IL19: variants seen among roughly 807,000 people sequenced by gnomAD.
IL19 encodes interleukin-19.
IL19 carries 15 observed loss-of-function variants against 19.5 expected under a neutral mutation model. That is an observed-to-expected ratio of 0.77 (90% CI 0.52 to 1.19). The LOEUF (loss-of-function observed/expected upper bound fraction) is 1.19, where lower values mean the gene tolerates loss of function less well. Ranked by LOEUF, IL19 falls within the 50% of genes most tolerant of loss-of-function variation. The pLI is 0.00. For missense variants in IL19, 199 were observed against 213.1 expected, an observed-to-expected ratio of 0.93 and a Z score of 0.41; for synonymous variants, 78 against 78.3, an observed-to-expected ratio of 1.00 and a Z score of 0.02.
chr1:206,795,933 G>A (rs993507744), intron 1 of IL19, among the ~76,000 whole-genome samples: 4 of 126,076 alleles, frequency 3.2e-5, no homozygotes, highest in Non-Finnish European at 5.6e-5. Flanking sequence ...ATATATGTGT[G>A]TGTGTGTGTG....
intron 3 of IL19, 38 bp from the exon 4 acceptor site, chr1:206,836,920 C>G (rs777477923): frequency 6.2e-7 from 1 of 1,601,786 alleles, no homozygotes; most frequent in South Asian, 1.1e-5. Flanking sequence ...ACATAGGATA[C>G]CGATTGCTTA....
intron 2 of IL19, among the ~76,000 whole-genome samples, chr1:206,808,068 T>G (rs1383150505): frequency 2.0e-5 from 3 of 152,258 alleles, no homozygotes; most frequent in African/African-American, 7.2e-5. Flanking sequence ...TGGCAGCTCA[T>G]GCCTGTAATC....
At chr1:206,798,549 T>A (rs1299820396) in intron 1 of IL19, among the ~76,000 whole-genome samples, 1 of 152,062 alleles carries the variant, frequency 6.6e-6, no homozygotes, top group Non-Finnish European at 1.5e-5. Flanking sequence ...ATACACATTT[T>A]TTTTTCTTAA....
intron 2 of IL19, among the ~76,000 whole-genome samples, chr1:206,810,677 A>G (rs991448814): frequency 6.6e-5 from 10 of 152,186 alleles, no homozygotes; most frequent in Middle Eastern, 3.2e-3. Flanking sequence ...TAATTTAACC[A>G]TTAGAGACAA....
Position 206,798,911 on chromosome 1 carries a change from C to G in IL19, c.-98C>G. On this transcript the variant is annotated 5_prime_UTR_variant, in exon 2 of 7. Transcript: ENST00000659997. ...AGTCCAAGAATGTGCACTGAGGGAGCGTTTCCGCACAGATCTGCGTGTTCC... is the reference window on the plus strand; with the variant it reads ...AGTCCAAGAATGTGCACTGAGGGAGGGTTTCCGCACAGATCTGCGTGTTCC... The G allele has an allele frequency of 1.2e-6, 2 of 1,612,412 alleles. No homozygotes were observed. Among genetic ancestry groups the G allele is most frequent in the South Asian group, 2.2e-5 (2 of 90,878 alleles).
At chr1:206,809,954 G>GATAACAACCTTATAA (rs1280515276) in intron 2 of IL19, among the ~76,000 whole-genome samples, 30 of 152,174 alleles carry the variant, frequency 2.0e-4, no homozygotes, top group African/African-American at 6.8e-4. Flanking sequence ...TTCACTTGGG[G>GATAACAACCTTATAA]CAGTTTCCTT....
At chr1:206,826,992 A>G (rs918891667) in intron 2 of IL19, among the ~76,000 whole-genome samples, 2 of 152,216 alleles carry the variant, frequency 1.3e-5, no homozygotes, top group Admixed American at 6.5e-5. Context: ...TTGTGATACA[A>G]TGTGGGTGAC....
chr1:206,805,648 C>T (rs533730149), intron 2 of IL19, among the ~76,000 whole-genome samples: 4 of 151,928 alleles, frequency 2.6e-5, no homozygotes, highest in South Asian at 2.1e-4. Flanking sequence ...AACACAAAAG[C>T]AAAAGATAAA....
intron 1 of IL19, among the ~76,000 whole-genome samples, chr1:206,792,349 C>A (rs1038293669): frequency 2.0e-5 from 3 of 152,128 alleles, no homozygotes; most frequent in Non-Finnish European, 1.5e-5. Context: ...TATTTATGAG[C>A]AGTGATGGAT....
intron 1 of IL19, among the ~76,000 whole-genome samples, chr1:206,781,766 G>A (rs1675137624): frequency 6.6e-6 from 1 of 151,014 alleles, no homozygotes; most frequent in Admixed American, 6.6e-5. Flanking sequence ...TCAGCTGTTG[G>A]CGAACTATGT....
chr1:206,818,865 T>C (rs1233454259), intron 2 of IL19, among the ~76,000 whole-genome samples: 5 of 149,188 alleles, frequency 3.4e-5, no homozygotes, highest in African/African-American at 1.2e-4. Context: ...CAGACTGGAG[T>C]GCAGTGGCAT....
intron 1 of IL19, among the ~76,000 whole-genome samples, chr1:206,797,548 G>A (rs1558610837): frequency 6.6e-6 from 1 of 152,142 alleles, no homozygotes; most frequent in Admixed American, 6.6e-5. Flanking sequence ...TGTATATTGG[G>A]AATGGGCAGG....
intron 1 of IL19, among the ~76,000 whole-genome samples, chr1:206,792,639 T>G (rs888462441): frequency 5.3e-5 from 8 of 152,152 alleles, no homozygotes; most frequent in Admixed American, 5.2e-4. Flanking sequence ...GTATTTTTAG[T>G]AGAGACAGGG....
At chr1:206,820,999 G>A (rs1385438061) in intron 2 of IL19, among the ~76,000 whole-genome samples, 1 of 152,166 alleles carries the variant, frequency 6.6e-6, no homozygotes, top group African/African-American at 2.4e-5. Context: ...AACTTGGTTT[G>A]CATTACTGTC....
intron 1 of IL19, among the ~76,000 whole-genome samples, chr1:206,792,391 G>A (rs1429698545): frequency 6.6e-6 from 1 of 152,080 alleles, no homozygotes; most frequent in Non-Finnish European, 1.5e-5. Context: ...AGAAAAAATT[G>A]TGTAATGACA....
At chr1:206,780,578 C>G (rs1675106432) in intron 1 of IL19, among the ~76,000 whole-genome samples, 2 of 152,180 alleles carry the variant, frequency 1.3e-5, no homozygotes, top group Non-Finnish European at 2.9e-5. Flanking sequence ...GTTAACTCCT[C>G]CATGGCTGCT....
intron 2 of IL19, among the ~76,000 whole-genome samples, chr1:206,814,257 G>T (rs1676090832): frequency 6.6e-6 from 1 of 151,892 alleles, no homozygotes; most frequent in Admixed American, 6.6e-5. Context: ...AGCACAGATT[G>T]CAGCCAGTAA....
chr1:206,771,139 A>T, intron 1 of IL19, 61 bp downstream of exon 1: 1 of 1,492,718 alleles, frequency 6.7e-7, no homozygotes, highest in South Asian at 1.1e-5. Flanking sequence ...GCTTAAGAGG[A>T]CAGCTTGGTT....
chr1:206,826,619 C>T (rs1247172356), intron 2 of IL19, among the ~76,000 whole-genome samples: 1 of 152,206 alleles, frequency 6.6e-6, no homozygotes, highest in South Asian at 2.1e-4. Flanking sequence ...TGGGGTGAAG[C>T]CCTCCCCAGG....
Sources: gnomAD v4.1 joint callset for allele counts (sites outside exome capture counted in the v4.1 genomes callset) on GRCh38, gnomAD v4.1.1 for gene constraint, MANE v1.5 for transcripts, NCBI Gene and HGNC (gene_info 2026-07-23, HGNC 2026-07-21) for gene names.